KCNG1: variants seen among roughly 807,000 people sequenced by gnomAD.
The protein encoded by KCNG1 is voltage-gated potassium channel regulatory subunit KCNG1.
A neutral mutation model predicts 32.4 loss-of-function variants in KCNG1; 17 were observed. The observed-to-expected ratio is 0.52, with a 90% CI of 0.36 to 0.79. The LOEUF is 0.79. Among genes scored for constraint, KCNG1 ranks in the 30% least tolerant of loss-of-function variants. The pLI is 0.00. For missense variants in KCNG1, 441 were observed against 735.2 expected (o/e 0.60, Z 4.63); for synonymous variants, 358 against 339.9 (o/e 1.05, Z -0.59).
Position 51,005,592 on chromosome 20 carries a change from T to TA in KCNG1, c.775-787dup, listed in dbSNP as rs1405182569. On this transcript the variant is annotated intron_variant, in intron 2 of 2. Transcript: ENST00000371571. This position sits in a 1 kb window ranked among gnomAD's most constrained non-coding sequence, Gnocchi z 4.0. ...TTGGTGATAATGTTGGTTAAATAGA[T>TA]AAAATGTTGATTTAAGTCCTGGTGA... The TA allele has an allele frequency of 6.6e-6, 1 of 152,212 alleles. No homozygotes were observed. Among genetic ancestry groups the TA allele is most frequent in the Non-Finnish European group, 1.5e-5 (1 of 68,034 alleles). The allele number at this position is 152,212 out of a possible 1,614,324, so 9.4% of individuals were successfully genotyped here.
chr20:51,003,763 T>G lies in KCNG1; in HGVS notation c.*276A>C. The G allele has an allele frequency of 2.2e-5, 8 of 364,760 alleles. No individual in the cohort carries two copies. Among genetic ancestry groups the G allele is most frequent in the Non-Finnish European group, 2.5e-5 (5 of 201,486 alleles). The allele number at this position is 364,760 out of a possible 1,614,324, so 22.6% of individuals were successfully genotyped here. On this transcript the variant is annotated 3_prime_UTR_variant, in exon 3 of 3. Coordinates refer to ENST00000371571, the MANE Select transcript of KCNG1 (RefSeq NM_002237.4). The stretch of plus-strand genomic sequence containing the variant: ...TGGTGAAAAGAACAAGGCATCTCCT[T>G]ATTGAGGGAAACACACATAGGGGCT...
rs2123208951 is a variant in KCNG1 at position 51,005,479 on chromosome 20, G to A, written c.775-673C>T. On this transcript the variant is annotated intron_variant, in intron 2 of 2. Coordinates refer to ENST00000371571, the MANE Select transcript of KCNG1 (RefSeq NM_002237.4). This position sits in a 1 kb window ranked among gnomAD's most constrained non-coding sequence, Gnocchi z 4.0. ...GTTCAGTGCCCCCATCACTGCCCCG[G>A]GCAAATTTAGGCTGAGGCTGCCTCA... The A allele has an allele frequency of 6.6e-6, 1 of 152,358 alleles. No individual in the cohort carries two copies. The highest frequency in any genetic ancestry group is 2.1e-4 in the South Asian group (1 of 4,826). 9.4% of individuals were successfully genotyped at this position (152,358 alleles called of 1,614,324 possible). A position where few individuals can be genotyped will look rare whatever the true frequency, so the allele number is the denominator to read the frequency against.
chr20:51,011,812 T>A (rs942427540), intron 1 of KCNG1, among the ~76,000 whole-genome samples: 2 of 152,240 alleles, frequency 1.3e-5, no homozygotes, highest in African/African-American at 4.8e-5. Context: ...TATTATTATT[T>A]TTGAGACAGA....
chr20:51,017,500 G>T (rs751894586), intron 1 of KCNG1, among the ~76,000 whole-genome samples: 10 of 152,340 alleles, frequency 6.6e-5, no homozygotes, highest in Non-Finnish European at 1.0e-4. Context: ...CCTGGCACAG[G>T]CCAATGAGGA....
chr20:51,014,737 T>C (rs1369622226), intron 1 of KCNG1, among the ~76,000 whole-genome samples: 5 of 152,216 alleles, frequency 3.3e-5, no homozygotes, highest in African/African-American at 1.2e-4. Flanking sequence ...CTGCAGCGAC[T>C]GCAGTGTTGT....
intron 1 of KCNG1, among the ~76,000 whole-genome samples, chr20:51,012,796 G>GCTA (rs1988142764): frequency 1.3e-5 from 2 of 152,126 alleles, no homozygotes; most frequent in East Asian, 1.9e-4. Flanking sequence ...CTGAGAAATG[G>GCTA]CTACCCCTTT....
At chr20:51,018,516 T>G (rs1167540769) in intron 1 of KCNG1, among the ~76,000 whole-genome samples, 1 of 152,168 alleles carries the variant, frequency 6.6e-6, no homozygotes, top group Non-Finnish European at 1.5e-5. Context: ...ACCCTGTTCT[T>G]TCTGTCTTAT....
Position 51,010,346 on chromosome 20 carries a change from C to T in KCNG1, c.-8G>A. The T allele has an allele frequency of 6.7e-7, 1 of 1,502,514 alleles. No homozygotes were observed. Among genetic ancestry groups the T allele is most frequent in the South Asian group, 1.3e-5 (1 of 75,042 alleles). 93.1% of individuals were successfully genotyped at this position (1,502,514 alleles called of 1,614,324 possible). Reference sequence around the variant, plus strand: ...TCCCGGTAAGAGGGTCATTTTGGGCCTTCACATCCCTCTCGGGCCTGTGGG... The same window carrying T: ...TCCCGGTAAGAGGGTCATTTTGGGCTTTCACATCCCTCTCGGGCCTGTGGG... On this transcript the variant is annotated 5_prime_UTR_variant, in exon 2 of 3. Coordinates refer to ENST00000371571, the MANE Select transcript of KCNG1 (RefSeq NM_002237.4).
Position 51,004,199 on chromosome 20 carries a change from T to G in KCNG1, c.1382A>C (p.His461Pro), listed in dbSNP as rs763609987. 1.9e-6 allele frequency: 3 copies of G among 1,613,728 alleles called. No individual in the cohort carries two copies. Residue 461 changes from histidine (H) to proline (P), a missense_variant, in exon 3 of 3, where the codon CAC becomes CCC. Coordinates refer to ENST00000371571, the MANE Select transcript of KCNG1 (RefSeq NM_002237.4). The surrounding 1 kb of genome is among the most constrained non-coding windows in gnomAD (Gnocchi z 4.3). ...LMAFPVTSIF[H>P]TFSRSYLELK... ...CTCCAGGTAGGAGCGGGAGAAGGTG[T>G]GGAAGATGGAGGTGACTGGGAAGGC...
At position 51,015,026 on chromosome 20, in the gene KCNG1, C is replaced by G. The variant is rs1339292037; in HGVS notation, c.-26-4662G>C. 6.6e-6 allele frequency among the ~76,000 whole-genome samples: 1 copy of G among 152,034 alleles called. No individual in the cohort carries two copies. Among genetic ancestry groups the G allele is most frequent in the Non-Finnish European group, 1.5e-5 (1 of 68,024 alleles). ...GGCCAGGTGCAGCAGGGCCGAGGGG[C>G]TGACAATAAGGAGCTGGGGCTTATT... is the stretch of plus-strand genomic sequence containing the variant. On this transcript the variant is annotated intron_variant, in intron 1 of 2. Transcript: ENST00000371571. The surrounding 1 kb of genome is among the most constrained non-coding windows in gnomAD (Gnocchi z 4.4).
At chr20:51,021,558 T>C (rs1008593813) in intron 1 of KCNG1, among the ~76,000 whole-genome samples, 2 of 152,142 alleles carry the variant, frequency 1.3e-5, no homozygotes, top group African/African-American at 2.4e-5. Context: ...CTCAGATTCA[T>C]AGGGCAGGAA....
chr20:51,022,202 ACCAATCTTT>A (rs553202149), intron 1 of KCNG1, among the ~76,000 whole-genome samples: 385 of 152,288 alleles, frequency 2.5e-3, no homozygotes, highest in Non-Finnish European at 4.2e-3. Context: ...TAGGTGCTCA[ACCAATCTTT>A]GTCCAATCTA....
At chr20:51,014,754 A>G (rs1988216762) in intron 1 of KCNG1, among the ~76,000 whole-genome samples, 1 of 152,130 alleles carries the variant, frequency 6.6e-6, no homozygotes, top group Non-Finnish European at 1.5e-5. Context: ...TTGTTGACAG[A>G]GCAAGGTGAG....
intron 1 of KCNG1, among the ~76,000 whole-genome samples, chr20:51,012,604 G>C (rs1466692491): frequency 1.3e-5 from 2 of 152,174 alleles, no homozygotes; most frequent in Non-Finnish European, 2.9e-5. Context: ...TCAAAGCTAA[G>C]GGTTTGTGCT....
At chr20:51,017,757 CA>C (rs889708738) in intron 1 of KCNG1, among the ~76,000 whole-genome samples, 1 of 152,126 alleles carries the variant, frequency 6.6e-6, no homozygotes, top group Non-Finnish European at 1.5e-5. Context: ...GGAGTTCTCC[CA>C]GGGGCTGGAG....
chr20:51,016,891 T>C (rs114670169), intron 1 of KCNG1, among the ~76,000 whole-genome samples: 78 of 152,304 alleles, frequency 5.1e-4, no homozygotes, highest in African/African-American at 1.8e-3. Context: ...CTAGAGGGTA[T>C]GCGGGCTGGC....
chr20:51,015,966 T>C lies in KCNG1; in HGVS notation c.-26-5602A>G, dbSNP rs866932595. 1.3e-5 allele frequency among the ~76,000 whole-genome samples: 2 copies of C among 152,162 alleles called. No homozygotes were observed. The highest frequency in any genetic ancestry group is 4.8e-5 in the African/African-American group (2 of 41,438). ...AGGAATGCAGGTGGCCTCCAAAGGCTGGAGGCCAGGAAATGAGCTCCCTGG... is the reference window on the plus strand; with the variant it reads ...AGGAATGCAGGTGGCCTCCAAAGGCCGGAGGCCAGGAAATGAGCTCCCTGG... On this transcript the variant is annotated intron_variant, in intron 1 of 2. Transcript: ENST00000371571. This position sits in a 1 kb window ranked among gnomAD's most constrained non-coding sequence, Gnocchi z 4.4.
In KCNG1 at chr20:51,017,196, G is replaced by A. The variant is rs142191442; in HGVS notation, c.-27+5674C>T. Among the ~76,000 whole-genome samples the A allele has an allele frequency of 4.3e-3, 650 of 152,304 alleles. 9 individuals carry two copies. The highest frequency in any genetic ancestry group is 0.015 in the African/African-American group (612 of 41,574). Reference sequence around the variant, plus strand: ...CAGGGGAGTGGACAGGCAAGTCTTCGTAGAGGCAGATTATGGAAGCCTGCA... The same window carrying A: ...CAGGGGAGTGGACAGGCAAGTCTTCATAGAGGCAGATTATGGAAGCCTGCA... On this transcript the variant is annotated intron_variant, in intron 1 of 2. Transcript: ENST00000371571.
intron 2 of KCNG1, among the ~76,000 whole-genome samples, chr20:51,008,948 C>T (rs374330911): frequency 6.6e-6 from 1 of 152,188 alleles, no homozygotes; most frequent in East Asian, 1.9e-4. Flanking sequence ...CAGCCCAGCT[C>T]CGGCTCCCGT....
Sources: gnomAD v4.1 joint callset for allele counts (sites outside exome capture counted in the v4.1 genomes callset) on GRCh38, gnomAD v4.1.1 for gene constraint, Gnocchi (gnomAD v3.1) non-coding constraint, MANE v1.5 for transcripts, NCBI Gene and HGNC (gene_info 2026-07-23, HGNC 2026-07-21) for gene names.